Variants in LRIG1 observed in about 807,000 individuals in gnomAD.
LRIG1 encodes leucine rich repeats and immunoglobulin like domains 1.
Under a neutral mutation model 99.2 loss-of-function variants are expected in LRIG1, and 48 were observed. That is an observed-to-expected ratio of 0.48 (90% CI 0.38 to 0.62). The LOEUF (loss-of-function observed/expected upper bound fraction) is 0.62. Ranked by LOEUF, LRIG1 falls within the 20% of genes least tolerant of loss-of-function variation. LRIG1 has a pLI of 0.00. For synonymous variants in LRIG1, 772 were observed against 596.1 expected, an observed-to-expected ratio of 1.29 and a Z score of -4.30; for missense variants, 1,646 against 1,434.4, an observed-to-expected ratio of 1.15 and a Z score of -2.38.
chr3:66,405,715 A>G, intron 8 of LRIG1: 1 of 1,103,298 alleles, frequency 9.1e-7, no homozygotes, highest in East Asian at 7.0e-5. Context: ...TGGAAGAAAG[A>G]GACCCGGCAC....
intron 3 of LRIG1, among the ~76,000 whole-genome samples, chr3:66,444,429 C>A (rs1703649519): frequency 6.6e-6 from 1 of 152,204 alleles, no homozygotes; most frequent in South Asian, 2.1e-4. Flanking sequence ...CCCACTGTCC[C>A]AAACAAATGC....
At chr3:66,455,227 G>A (rs1296311057) in intron 2 of LRIG1, among the ~76,000 whole-genome samples, 1 of 152,208 alleles carries the variant, frequency 6.6e-6, no homozygotes, top group Non-Finnish European at 1.5e-5. Context: ...TTACAGGCGT[G>A]AGCCACCATG....
rs35942325 is a variant in LRIG1, at chr3:66,439,561, C to CT, written c.365+11997dup. On this transcript the variant is annotated intron_variant, in intron 3 of 18. Coordinates refer to ENST00000273261, the MANE Select transcript of LRIG1 (RefSeq NM_015541.3). ...CTTCAGTTTCTATATCATCTATTTA[C>CT]TTTTTTTTTTTTTTAAAAAGAGCCA... 6.6e-4 allele frequency among the ~76,000 whole-genome samples: 94 copies of CT among 141,760 alleles called. No homozygotes were observed. In the South Asian group the frequency reaches 6.9e-3, roughly 10 times the overall value. The allele number at this position is 141,760 out of a possible 152,430, so 93.0% of individuals were successfully genotyped here.
rs1195042762 is a variant in LRIG1, at chr3:66,383,329, T to C, written c.2144A>G (p.Lys715Arg). 2 of 1,600,442 alleles carry C rather than the reference T, an allele frequency of 1.2e-6. No individual in the cohort carries two copies. The highest frequency in any genetic ancestry group is 2.7e-5 in the African/African-American group (2 of 74,716). The change falls in exon 15 of 19, where the codon AAA (lysine) becomes AGA (arginine). Residue 715 changes from lysine to arginine, a missense_variant. Physicochemically the swap from Lys to Arg is conservative, Grantham distance 26 (BLOSUM62 2). Coordinates refer to ENST00000273261, the MANE Select transcript of LRIG1 (RefSeq NM_015541.3). ...SVGETVALQC[K>R]ATGNPPPRIT... ...GCGGGGCGGAGGGTTCCCCGTGGCTTTGCATTGGAGGGCCACTGTTTCTCC... is the reference window on the plus strand; with the variant it reads ...GCGGGGCGGAGGGTTCCCCGTGGCTCTGCATTGGAGGGCCACTGTTTCTCC...
At chr3:66,383,775 C>G (rs1470025044) in intron 14 of LRIG1, among the ~76,000 whole-genome samples, 2 of 152,134 alleles carry the variant, frequency 1.3e-5, no homozygotes, top group Non-Finnish European at 2.9e-5. Context: ...TAGCTAAACC[C>G]TATGAAGACT....
At chr3:66,437,689 T>C (rs535807075) in intron 3 of LRIG1, among the ~76,000 whole-genome samples, 6 of 152,164 alleles carry the variant, frequency 3.9e-5, no homozygotes, top group African/African-American at 1.4e-4. Context: ...ATGGATGGGA[T>C]GCCTGCTACA....
intron 1 of LRIG1, among the ~76,000 whole-genome samples, chr3:66,473,422 C>T (rs1320901562): frequency 6.6e-6 from 1 of 152,178 alleles, no homozygotes; most frequent in Non-Finnish European, 1.5e-5. Context: ...ACATCACACC[C>T]ACAGCTCACT....
intron 9 of LRIG1, 65 bp from the exon 10 acceptor site, chr3:66,399,106 G>GAAAGAA (rs1056155222): frequency 6.0e-5 from 78 of 1,289,972 alleles, no homozygotes; most frequent in Admixed American, 4.1e-4. Flanking sequence ...AGGGTTGAGA[G>GAAAGAA]AAAGAAAAAG....
chr3:66,483,803 C>T (rs1425888028), intron 1 of LRIG1, among the ~76,000 whole-genome samples: 2 of 150,832 alleles, frequency 1.3e-5, no homozygotes, highest in Admixed American at 1.3e-4. Context: ...AAGGGCACCG[C>T]GGGCTCCCTC....
chr3:66,424,403 G>A (rs78640750), intron 3 of LRIG1, among the ~76,000 whole-genome samples: 9,625 of 152,180 alleles, frequency 0.063, 356 homozygotes, highest in South Asian at 0.15. Flanking sequence ...CCCCTGCAGG[G>A]AAGCCTTCCC....
chr3:66,436,286 C>T (rs562248645), intron 3 of LRIG1, among the ~76,000 whole-genome samples: 7 of 152,118 alleles, frequency 4.6e-5, no homozygotes, highest in Admixed American at 3.9e-4. Flanking sequence ...CATCATCCTT[C>T]GTATACTGGC....
chr3:66,382,983 T>C lies in LRIG1; in HGVS notation c.2490A>G (p.Thr830=). ...KKSEEYSVTN[T]DETVVPPDVP... ...TCAGCTCCGCTGGCAGGGCCTGACC[T>C]GTGTTGGTGACACTGTACTCTTCAC... is the stretch of plus-strand genomic sequence containing the variant. The change falls in exon 15 of 19, where the codon ACA becomes ACG. Residue 830 remains threonine, a splice_region_variant and synonymous_variant. Transcript: ENST00000273261. 1 of 1,600,848 alleles carries C rather than the reference T, an allele frequency of 6.2e-7. No homozygotes were observed. The highest frequency in any genetic ancestry group is 8.5e-7 in the Non-Finnish European group (1 of 1,169,992).
chr3:66,478,047 T>G (rs1456201045), intron 1 of LRIG1, among the ~76,000 whole-genome samples: 1 of 152,148 alleles, frequency 6.6e-6, no homozygotes, highest in Non-Finnish European at 1.5e-5. Context: ...AACATCTACA[T>G]AAGTCTTATG....
chr3:66,496,971 C>T (rs567060695), intron 1 of LRIG1, among the ~76,000 whole-genome samples: 2 of 152,324 alleles, frequency 1.3e-5, no homozygotes, highest in South Asian at 4.1e-4. Flanking sequence ...TCATAAGTAC[C>T]ACTTCTTTGC....
At chr3:66,418,132 G>A (rs952622042) in intron 3 of LRIG1, among the ~76,000 whole-genome samples, 6 of 151,338 alleles carry the variant, frequency 4.0e-5, no homozygotes, top group Admixed American at 1.3e-4. Context: ...TCGCTCTGTC[G>A]CCAGGCTGGA....
chr3:66,496,237 C>G (rs1701224802), intron 1 of LRIG1, among the ~76,000 whole-genome samples: 1 of 152,202 alleles, frequency 6.6e-6, no homozygotes, highest in Non-Finnish European at 1.5e-5. Flanking sequence ...AGGAACAGTT[C>G]TGACATGTCC....
At chr3:66,413,143 A>G (rs1702522561) in intron 5 of LRIG1, 129 bp from the exon 6 acceptor site, 2 of 1,023,698 alleles carry the variant, frequency 2.0e-6, no homozygotes, top group South Asian at 3.0e-5. Context: ...CTGGGAAGCC[A>G]GGATGTGTAG....
intron 1 of LRIG1, among the ~76,000 whole-genome samples, chr3:66,468,451 C>A (rs929677688): frequency 2.0e-5 from 3 of 152,192 alleles, no homozygotes; most frequent in African/African-American, 7.2e-5. Context: ...GGTTTTCATA[C>A]TTGGTTTGGT....
At chr3:66,455,761 G>A (rs1231501828) in intron 2 of LRIG1, among the ~76,000 whole-genome samples, 1 of 152,194 alleles carries the variant, frequency 6.6e-6, no homozygotes, top group Non-Finnish European at 1.5e-5. Context: ...ACTGTATTCT[G>A]CTTTAGTTAC....
Sources: gnomAD v4.1 joint callset for allele counts (sites outside exome capture counted in the v4.1 genomes callset) on GRCh38, gnomAD v4.1.1 for gene constraint, MANE v1.5 for transcripts, NCBI Gene and HGNC (gene_info 2026-07-23, HGNC 2026-07-21) for gene names.